SLC5A6: variants seen among roughly 807,000 people sequenced by gnomAD.
SLC5A6 encodes the protein solute carrier family 5 member 6, also known as sodium-dependent multivitamin transporter.
SLC5A6 carries 31 observed loss-of-function variants against 67.9 expected under a neutral mutation model. The ratio of observed to expected loss-of-function variants is 0.46; its 90% CI spans 0.34 to 0.62. The LOEUF (loss-of-function observed/expected upper bound fraction) is 0.62. Among genes scored for constraint, SLC5A6 ranks in the 20% least tolerant of loss-of-function variants. SLC5A6 has a pLI of 0.01. For missense variants in SLC5A6, 673 were observed against 812.8 expected, an observed-to-expected ratio of 0.83 and a Z score of 2.09; for synonymous variants, 343 against 331.0, an observed-to-expected ratio of 1.04 and a Z score of -0.39.
Position 27,204,940 on chromosome 2 carries a change from G to A in SLC5A6, c.735-9C>T. ...AGGGGTCTGGATCCAGCCTGTAACAGACACCACCCAGTCATTGTGCAAAGC... is the reference window on the plus strand; with the variant it reads ...AGGGGTCTGGATCCAGCCTGTAACAAACACCACCCAGTCATTGTGCAAAGC... On this transcript the variant is annotated splice_polypyrimidine_tract_variant and intron_variant, in intron 7 of 16. Transcript: ENST00000310574. 1 of 1,611,902 alleles carries A rather than the reference G, an allele frequency of 6.2e-7. No homozygotes were observed. The highest frequency in any genetic ancestry group is 1.1e-5 in the South Asian group (1 of 91,084).
chr2:27,209,649 T>A (rs896428664), intron 2 of SLC5A6, among the ~76,000 whole-genome samples: 1 of 152,190 alleles, frequency 6.6e-6, no homozygotes, highest in African/African-American at 2.4e-5. Context: ...CAGGACATAG[T>A]TTAGATTTCA....
chr2:27,203,439 T>C, intron 10 of SLC5A6, 94 bp from the exon 11 acceptor site: 1 of 1,106,130 alleles, frequency 9.0e-7, no homozygotes. Context: ...AGCGGGGAGA[T>C]GACAGGTACC....
chr2:27,203,660 C>T, intron 10 of SLC5A6, 119 bp downstream of exon 10: 1 of 759,984 alleles, frequency 1.3e-6, no homozygotes, highest in Non-Finnish European at 2.3e-6. Flanking sequence ...ACAGATGGGG[C>T]AGGCACAGTG....
chr2:27,211,625 G>C (rs748262141), intron 1 of SLC5A6, 92 bp from the exon 2 acceptor site: 2 of 153,646 alleles, frequency 1.3e-5, no homozygotes, highest in African/African-American at 2.4e-5. Flanking sequence ...TCAGCATTGA[G>C]GTGAAGAGGA....
Position 27,204,522 on chromosome 2 carries a change from A to G in SLC5A6, c.944T>C (p.Met315Thr). Residue 315 changes from methionine (M) to threonine (T), a missense_variant, in exon 9 of 17, where the codon ATG becomes ACG. By Grantham distance (81) the Met-to-Thr change is moderately conservative. Transcript: ENST00000310574. The part of the protein sequence containing the change: ...LCVGCLIGLV[M>T]FAYYQEYPMS... ...GGGATACTCCTGGTAATACGCGAAC[A>G]TGACCAGGCCAATGAGGCAGCCCAC... is the stretch of plus-strand genomic sequence containing the variant. 1.9e-6 allele frequency: 3 copies of G among 1,614,098 alleles called. No individual in the cohort carries two copies. The highest frequency in any genetic ancestry group is 1.7e-6 in the Non-Finnish European group (2 of 1,179,972).
chr2:27,210,462 G>A (rs1216704420), intron 2 of SLC5A6, among the ~76,000 whole-genome samples: 3 of 149,590 alleles, frequency 2.0e-5, no homozygotes, highest in African/African-American at 5.0e-5. Flanking sequence ...ACGGAGTCTC[G>A]CTCTGTCGCC....
chr2:27,212,190 G>A lies in SLC5A6; in HGVS notation c.-378C>T. ...AGGGGGTCGGCCAGTATCCCCGAAA[G>A]AGGGCTAGGGCGCATGAAGACCAGC... On this transcript the variant is annotated 5_prime_UTR_variant, in exon 1 of 17. Transcript: ENST00000310574. 6.5e-7 allele frequency: 1 copy of A among 1,543,986 alleles called. No individual in the cohort carries two copies. The highest frequency in any genetic ancestry group is 1.2e-5 in the South Asian group (1 of 83,020).
In SLC5A6 at chr2:27,203,803, G is replaced by A. The variant is rs748830993; in HGVS notation, c.1070C>T (p.Ala357Val). Residue 357 changes from alanine (A) to valine (V), a missense_variant, in exon 10 of 17, where the codon GCC becomes GTC. By Grantham distance (64) the Ala-to-Val change is moderately conservative. Coordinates refer to ENST00000310574, the MANE Select transcript of SLC5A6 (RefSeq NM_021095.4). Reference protein sequence around the residue: ...GLPGLPGLFIACLFSGSLSTI... With the variant: ...GLPGLPGLFIVCLFSGSLSTI... Reference sequence around the variant, plus strand: ...CCTGAGAGAGCCGCTGAAGAGGCAGGCAATGAAGAGCCCTGGCAGGCCTGG... The same window carrying A: ...CCTGAGAGAGCCGCTGAAGAGGCAGACAATGAAGAGCCCTGGCAGGCCTGG... 1.2e-6 allele frequency: 2 copies of A among 1,613,902 alleles called. No individual in the cohort carries two copies. The highest frequency in any genetic ancestry group is 3.3e-5 in the Admixed American group (2 of 60,024).
At chr2:27,206,632 T>C in intron 4 of SLC5A6, 98 bp from the exon 5 acceptor site, 1 of 1,113,986 alleles carries the variant, frequency 9.0e-7, no homozygotes, top group South Asian at 1.3e-5. Context: ...TGGCTTCCCC[T>C]CACCTAGGCT....
At chr2:27,202,282 AC>A (rs780148726) in intron 12 of SLC5A6, among the ~76,000 whole-genome samples, 100 of 152,130 alleles carry the variant, frequency 6.6e-4, no homozygotes, top group Non-Finnish European at 1.2e-3. Context: ...CGGGAGGATC[AC>A]CTGAGGTCAG....
chr2:27,208,298 C>A (rs1006892774), intron 2 of SLC5A6: 7 of 152,778 alleles, frequency 4.6e-5, no homozygotes, highest in Middle Eastern at 3.4e-3. Context: ...AGTGAGACTG[C>A]CTCTGTGGCA....
At chr2:27,211,000 G>A (rs1223553740) in intron 2 of SLC5A6, among the ~76,000 whole-genome samples, 2 of 152,110 alleles carry the variant, frequency 1.3e-5, no homozygotes, top group African/African-American at 4.8e-5. Context: ...CTCCAGCCTG[G>A]GCGACAGAGC....
Position 27,200,484 on chromosome 2 carries a change from G to C in SLC5A6, c.1860C>G (p.Ala620=). Residue 620 remains alanine (A), a synonymous_variant, in exon 17 of 17, where the codon GCC becomes GCG. Transcript: ENST00000310574. The stretch of plus-strand genomic sequence containing the variant: ...TGCAGGTGGAGCTGCTCCCCTGATA[G>C]GCTGTGCCATCCAGGGCCATGGCCT... The part of the protein sequence containing the change: ...DKEAMALDGT[A]YQGSSSTCIL... 2 of 1,614,018 alleles carry C rather than the reference G, an allele frequency of 1.2e-6. No homozygotes were observed. The highest frequency in any genetic ancestry group is 1.7e-6 in the Non-Finnish European group (2 of 1,179,948).
Position 27,202,816 on chromosome 2 carries a change from C to A in SLC5A6, c.1272G>T (p.Leu424=), listed in dbSNP as rs772387909. The A allele has an allele frequency of 7.4e-6, 12 of 1,612,718 alleles. No individual in the cohort carries two copies. The highest frequency in any genetic ancestry group is 9.3e-6 in the Non-Finnish European group (11 of 1,178,766). The stretch of plus-strand genomic sequence containing the variant: ...TCCTACCCTCTATAGTTATTACCTG[C>A]AGCACAGGTCCCATCTGGGAGGAAA... The part of the protein sequence containing the change: ...AYISSQMGPV[L]QAAISIFGMV... Residue 424 remains leucine (L), a synonymous_variant, in exon 12 of 17, where the codon CTG becomes CTT. Transcript: ENST00000310574.
In SLC5A6 at chr2:27,204,862, G is replaced by A; in HGVS notation, c.804C>T (p.Leu268=). Reference sequence around the variant, plus strand: ...GAGCCTGGTTCACCCCGTATAAGGAGAGCATCATGAAGACACCCCCGAAGG... The same window carrying A: ...GAGCCTGGTTCACCCCGTATAAGGAAAGCATCATGAAGACACCCCCGAAGG... The part of the protein sequence containing the change: ...TLAFGGVFMM[L]SLYGVNQAQV... The change falls in exon 8 of 17, where the codon CTC becomes CTT. Residue 268 remains leucine, a synonymous_variant. Transcript: ENST00000310574. 6.2e-7 allele frequency: 1 copy of A among 1,614,138 alleles called. No homozygotes were observed. Among genetic ancestry groups the A allele is most frequent in the Non-Finnish European group, 8.5e-7 (1 of 1,180,016 alleles).
chr2:27,202,303 A>C (rs1041253261), intron 12 of SLC5A6, among the ~76,000 whole-genome samples: 1 of 152,002 alleles, frequency 6.6e-6, no homozygotes, highest in African/African-American at 2.4e-5. Flanking sequence ...GGAGCTCCAG[A>C]CTAGCCTGGC....
chr2:27,206,322 C>T, intron 5 of SLC5A6, 161 bp downstream of exon 5: 1 of 729,516 alleles, frequency 1.4e-6, no homozygotes, highest in Non-Finnish European at 2.3e-6. Flanking sequence ...TGAGGTGGAC[C>T]AAGCCTTCCT....
At chr2:27,205,990 C>A (rs368699755) in intron 6 of SLC5A6, 36 bp downstream of exon 6, 1 of 1,502,932 alleles carries the variant, frequency 6.7e-7, no homozygotes, top group Non-Finnish European at 9.3e-7. Flanking sequence ...TTACTTCATC[C>A]CTTCCCCTCC....
At chr2:27,201,322 C>T (rs1448643796) in intron 15 of SLC5A6, 28 bp downstream of exon 15, 8 of 1,434,354 alleles carry the variant, frequency 5.6e-6, no homozygotes, top group Non-Finnish European at 7.9e-6. Flanking sequence ...CCTCGGTGCT[C>T]ATCTGCACCG....
Sources: gnomAD v4.1 joint callset for allele counts (sites outside exome capture counted in the v4.1 genomes callset) on GRCh38, gnomAD v4.1.1 for gene constraint, MANE v1.5 for transcripts, NCBI Gene and HGNC (gene_info 2026-07-23, HGNC 2026-07-21) for gene names.